Variants in OR13A1 observed in about 807,000 individuals in gnomAD.
OR13A1 encodes olfactory receptor family 13 subfamily A member 1, also known as olfactory receptor 13A1.
A neutral mutation model predicts 7.5 loss-of-function variants in OR13A1; 10 were observed. That is an observed-to-expected ratio of 1.34 (90% CI 0.83 to 2.27). OR13A1 has a LOEUF of 2.27. OR13A1 is among the 30% of genes most tolerant of loss of function. The pLI is 0.00. For missense variants in OR13A1, 509 were observed against 419.1 expected (o/e 1.21, Z -1.87); for synonymous variants, 238 against 177.9 (o/e 1.34, Z -2.69).
chr10:45,304,192 C>A lies in OR13A1; in HGVS notation c.231G>T (p.Met77Ile). ...ITFNPGLHAP[M>I]YFFLLNLATM... is the part of the protein sequence containing the mutation. ...TAGCCAAGTTGAGTAAGAAAAAGTA[C>A]ATAGGAGCGTGGAGCCCAGGGTTGA... Residue 77 changes from methionine to isoleucine, a missense_variant, in exon 4 of 4, where the codon ATG becomes ATT. By Grantham distance (10) the Met-to-Ile change is conservative. Coordinates refer to ENST00000553795, the MANE Select transcript of OR13A1 (RefSeq NM_001004297.3). 1 of 1,614,186 alleles carries A rather than the reference C, an allele frequency of 6.2e-7. No homozygotes were observed. The highest frequency in any genetic ancestry group is 8.5e-7 in the Non-Finnish European group (1 of 1,180,038).
rs756006418 is a variant in OR13A1 at position 45,304,055 on chromosome 10, G to A, written c.368C>T (p.Thr123Met). ...CAGCAGCTCTGAGGATGCAGCCCAC[G>A]TGAGGAAATAGAGCTGGGCCATGCA... ...GGCMAQLYFL[T>M]WAASSELLLL... The change falls in exon 4 of 4, where the codon ACG becomes ATG. Residue 123 changes from threonine to methionine, a missense_variant. Coordinates refer to ENST00000553795, the MANE Select transcript of OR13A1 (RefSeq NM_001004297.3). 7.4e-6 allele frequency: 12 copies of A among 1,613,552 alleles called. No individual in the cohort carries two copies. The highest frequency in any genetic ancestry group is 3.3e-5 in the Admixed American group (2 of 59,946).
chr10:45,314,330 G>T (rs1165162324), intron 1 of OR13A1, among the ~76,000 whole-genome samples: 1 of 151,824 alleles, frequency 6.6e-6, no homozygotes, highest in Non-Finnish European at 1.5e-5. Context: ...GGCATGGTGG[G>T]TCATGCCTGC....
rs539051970 is a variant in OR13A1 at position 45,307,489 on chromosome 10, A to T, written c.-76T>A. 2 of 152,320 alleles carry T rather than the reference A, an allele frequency of 1.3e-5. No homozygotes were observed. Among genetic ancestry groups the T allele is most frequent in the South Asian group, 2.1e-4 (1 of 4,822 alleles). The allele number at this position is 152,320 out of a possible 1,614,324, so 9.4% of individuals were successfully genotyped here. A position where few individuals can be genotyped will look rare whatever the true frequency, so the allele number is the denominator to read the frequency against. On this transcript the variant is annotated 5_prime_UTR_variant, in exon 3 of 4. Coordinates refer to ENST00000553795, the MANE Select transcript of OR13A1 (RefSeq NM_001004297.3). Reference sequence around the variant, plus strand: ...TCTCAATCAACTGGTCAATAATGAGATCAAAGAATCGGGGCTCCAATCCTC... The same window carrying T: ...TCTCAATCAACTGGTCAATAATGAGTTCAAAGAATCGGGGCTCCAATCCTC...
chr10:45,310,749 G>A (rs78826609), intron 1 of OR13A1, among the ~76,000 whole-genome samples: 1 of 152,014 alleles, frequency 6.6e-6, no homozygotes, highest in East Asian at 1.9e-4. Context: ...GAGATTCGAG[G>A]AAGAAAAAAA....
Position 45,304,379 on chromosome 10 carries a change from C to A in OR13A1, c.44G>T (p.Arg15Leu). The A allele has an allele frequency of 6.2e-7, 1 of 1,613,854 alleles. No homozygotes were observed. The highest frequency in any genetic ancestry group is 1.1e-5 in the South Asian group (1 of 91,058). ...MESHLIVPET[R>L]PSPRMMSNQT... The stretch of plus-strand genomic sequence containing the variant: ...GTTACTCATCATCCTTGGGCTGGGA[C>A]GGGTTTCTGGGACTATCAGGTGACT... Residue 15 changes from arginine to leucine, a missense_variant, in exon 4 of 4, where the codon CGT becomes CTT. Coordinates refer to ENST00000553795, the MANE Select transcript of OR13A1 (RefSeq NM_001004297.3).
chr10:45,309,722 T>C (rs910970133), intron 1 of OR13A1, among the ~76,000 whole-genome samples: 73 of 152,202 alleles, frequency 4.8e-4, no homozygotes, highest in Non-Finnish European at 1.9e-4. Flanking sequence ...TACGTAGATG[T>C]ATGTTTTTTC....
chr10:45,311,419 G>A (rs564188640), intron 1 of OR13A1, among the ~76,000 whole-genome samples: 1 of 152,150 alleles, frequency 6.6e-6, no homozygotes, highest in Admixed American at 6.6e-5. Flanking sequence ...TTGTTCTTGA[G>A]AAACAAGCAA....
In OR13A1 at chr10:45,304,349, G is replaced by T. The variant is rs116514452; in HGVS notation, c.74C>A (p.Thr25Lys). The change falls in exon 4 of 4, where the codon ACG (threonine) becomes AAG (lysine). Residue 25 changes from threonine (T) to lysine (K), a missense_variant. Transcript: ENST00000553795. Reference sequence around the variant, plus strand: ...CTGCAGGATGAACTCGGTTACCAACGTCTGGTTACTCATCATCCTTGGGCT... The same window carrying T: ...CTGCAGGATGAACTCGGTTACCAACTTCTGGTTACTCATCATCCTTGGGCT... ...RPSPRMMSNQ[T>K]LVTEFILQGF... 5 of 1,613,946 alleles carry T rather than the reference G, an allele frequency of 3.1e-6. No homozygotes were observed. The Admixed American group carries it at 8.3e-5, about 27-fold the overall frequency.
chr10:45,309,033 C>A (rs1838391275), intron 1 of OR13A1, among the ~76,000 whole-genome samples: 1 of 152,136 alleles, frequency 6.6e-6, no homozygotes, highest in African/African-American at 2.4e-5. Flanking sequence ...TGGGGACTTG[C>A]CTGTCATTGG....
intron 1 of OR13A1, among the ~76,000 whole-genome samples, chr10:45,310,586 A>G (rs568700185): frequency 3.3e-5 from 5 of 152,128 alleles, no homozygotes; most frequent in Admixed American, 2.6e-4. Flanking sequence ...AAATGTGGTC[A>G]AGCTGGAAAG....
In OR13A1 at chr10:45,303,772, A is replaced by T. The variant is rs1479546616; in HGVS notation, c.651T>A (p.Ile217=). 6.2e-7 allele frequency: 1 copy of T among 1,614,096 alleles called. No homozygotes were observed. The highest frequency in any genetic ancestry group is 1.7e-5 in the Admixed American group (1 of 60,032). The change falls in exon 4 of 4, where the codon ATT becomes ATA. Residue 217 remains isoleucine (I), a synonymous_variant. Coordinates refer to ENST00000553795, the MANE Select transcript of OR13A1 (RefSeq NM_001004297.3). ...CSSTYVNGVM[I]VLADAFYGIV... is the part of the protein sequence containing the mutation. ...TGCCGTAGAAAGCATCCGCCAGGAC[A>T]ATCATGACACCGTTGACGTAGGTGG...
At chr10:45,302,440 T>C (rs1838225018), downstream of OR13A1, 2 of 152,228 alleles carry the variant, frequency 1.3e-5, no homozygotes, top group African/African-American at 2.4e-5. Context: ...ATTCATCAAA[T>C]ACTTGAGTCA....
chr10:45,313,583 C>T (rs1242708564), intron 1 of OR13A1, among the ~76,000 whole-genome samples: 1 of 151,452 alleles, frequency 6.6e-6, no homozygotes, highest in East Asian at 1.9e-4. Context: ...AAAGTAAATG[C>T]CATGCAAATG....
chr10:45,312,571 A>G (rs1218228708), intron 1 of OR13A1, among the ~76,000 whole-genome samples: 2 of 116,608 alleles, frequency 1.7e-5, no homozygotes, highest in Non-Finnish European at 3.8e-5. Context: ...GAAGATATGA[A>G]CAAAAAAAAA....
intron 1 of OR13A1, among the ~76,000 whole-genome samples, chr10:45,310,383 C>T (rs758562670): frequency 1.5e-4 from 23 of 152,288 alleles, no homozygotes; most frequent in East Asian, 7.7e-4. Flanking sequence ...TGATCTCCTA[C>T]GTGATGATTC....
chr10:45,311,555 A>C (rs534667816), intron 1 of OR13A1, among the ~76,000 whole-genome samples: 54 of 152,334 alleles, frequency 3.5e-4, no homozygotes, highest in African/African-American at 1.3e-3. Context: ...TATTCAAAGA[A>C]GTAGGAGAAT....
At chr10:45,311,965 A>T (rs991719314) in intron 1 of OR13A1, among the ~76,000 whole-genome samples, 5 of 152,228 alleles carry the variant, frequency 3.3e-5, no homozygotes, top group Admixed American at 6.5e-5. Flanking sequence ...GAAAACTACA[A>T]TGTCTGAAAT....
Position 45,303,634 on chromosome 10 carries a change from G to A in OR13A1, c.789C>T (p.Leu263=). The change falls in exon 4 of 4, where the codon CTC becomes CTT. Residue 263 remains leucine (L), a synonymous_variant. Coordinates refer to ENST00000553795, the MANE Select transcript of OR13A1 (RefSeq NM_001004297.3). ...QKAFSTCSSH[L]TVVCMYYTAV... ...CGGTGTAATACATGCACACCACGGT[G>A]AGGTGGGAAGAGCAGGTGGAGAAGG... The A allele has an allele frequency of 6.2e-7, 1 of 1,614,224 alleles. No individual in the cohort carries two copies. Among genetic ancestry groups the A allele is most frequent in the Non-Finnish European group, 8.5e-7 (1 of 1,180,044 alleles).
intron 1 of OR13A1, among the ~76,000 whole-genome samples, chr10:45,309,871 C>A (rs1838408014): frequency 6.6e-6 from 1 of 152,150 alleles, no homozygotes; most frequent in South Asian, 2.1e-4. Context: ...TACTCTGTTT[C>A]TTAAATAGCT....
Sources: allele counts gnomAD v4.1 joint callset (sites outside exome capture counted in the v4.1 genomes callset), GRCh38; gene constraint gnomAD v4.1.1; transcripts MANE v1.5; gene names NCBI Gene and HGNC (gene_info 2026-07-23, HGNC 2026-07-21).